Variants in KCNQ5 observed in about 807,000 individuals in gnomAD.
KCNQ5 encodes potassium voltage-gated channel subfamily KQT member 5.
KCNQ5 carries 30 observed loss-of-function variants against 98.2 expected under a neutral mutation model. The ratio of observed to expected loss-of-function variants is 0.31; its 90% confidence interval spans 0.23 to 0.41. KCNQ5 has a LOEUF of 0.41. Ranked by LOEUF, KCNQ5 falls within the 10% of genes least tolerant of loss-of-function variation. KCNQ5 has a pLI of 1.00. For synonymous variants in KCNQ5, 458 were observed against 449.4 expected (o/e 1.02, Z -0.24); for missense variants, 835 against 1,182.5 (o/e 0.71, Z 4.31).
chr6:72,963,023 C>A (rs921801376), intron 1 of KCNQ5, among the ~76,000 whole-genome samples: 2 of 152,170 alleles, frequency 1.3e-5, no homozygotes, highest in African/African-American at 4.8e-5. Context: ...TGTTTATAAG[C>A]TGAAAGAGCC....
At chr6:72,859,718 A>ACTAC (rs1777685048) in intron 1 of KCNQ5, among the ~76,000 whole-genome samples, 1 of 151,974 alleles carries the variant, frequency 6.6e-6, no homozygotes, top group African/African-American at 2.4e-5. Context: ...GATAGCTGGG[A>ACTAC]CTACAGGCAT....
chr6:72,741,035 G>C (rs567069944), intron 1 of KCNQ5, among the ~76,000 whole-genome samples: 1 of 152,260 alleles, frequency 6.6e-6, no homozygotes, highest in South Asian at 2.1e-4. Flanking sequence ...GGATGACATT[G>C]GTCACCTATA....
intron 1 of KCNQ5, among the ~76,000 whole-genome samples, chr6:72,812,609 C>A (rs557040697): frequency 6.6e-5 from 10 of 152,266 alleles, no homozygotes; most frequent in African/African-American, 2.4e-4. Context: ...CTAAGTGCCA[C>A]TTTTGTATGA....
chr6:73,141,473 A>G (rs1776707995), intron 10 of KCNQ5, among the ~76,000 whole-genome samples: 1 of 152,034 alleles, frequency 6.6e-6, no homozygotes, highest in African/African-American at 2.4e-5. Context: ...CTGGCTTTCT[A>G]CTCTAATCCA....
chr6:72,658,578 A>ATTTTTTTT (rs1219877866), intron 1 of KCNQ5, among the ~76,000 whole-genome samples: 1 of 76,380 alleles, frequency 1.3e-5, no homozygotes. Flanking sequence ...ATATATATAT[A>ATTTTTTTT]TTTTTTTTTT....
intron 1 of KCNQ5, among the ~76,000 whole-genome samples, chr6:72,732,314 G>C (rs1244233013): frequency 1.3e-5 from 2 of 152,070 alleles, no homozygotes; most frequent in Non-Finnish European, 2.9e-5. Flanking sequence ...AGTAGCATTA[G>C]GAAGGGGAGG....
intron 1 of KCNQ5, among the ~76,000 whole-genome samples, chr6:72,633,285 G>C (rs2098922097): frequency 6.6e-6 from 1 of 151,898 alleles, no homozygotes. Context: ...GTTGTTTTTT[G>C]CTTGTTGATT....
chr6:73,025,001 G>A (rs943865240), intron 2 of KCNQ5, among the ~76,000 whole-genome samples: 1 of 152,110 alleles, frequency 6.6e-6, no homozygotes, highest in Non-Finnish European at 1.5e-5. Flanking sequence ...TGAGAGGCAC[G>A]GGAAGATAGG....
intron 1 of KCNQ5, among the ~76,000 whole-genome samples, chr6:72,996,197 A>G (rs1048333847): frequency 6.6e-6 from 1 of 152,102 alleles, no homozygotes; most frequent in South Asian, 2.1e-4. Flanking sequence ...GAATGAAGTT[A>G]ATCCATAAAA....
intron 1 of KCNQ5, among the ~76,000 whole-genome samples, chr6:72,909,789 T>A (rs1213508996): frequency 7.5e-4 from 114 of 152,342 alleles, no homozygotes; most frequent in African/African-American, 2.7e-3. Flanking sequence ...TCTAAATTAA[T>A]AGACTGACTG....
chr6:72,663,338 T>G (rs527750614), intron 1 of KCNQ5, among the ~76,000 whole-genome samples: 1 of 152,326 alleles, frequency 6.6e-6, no homozygotes, highest in Admixed American at 6.5e-5. Flanking sequence ...CTGTCAAGGA[T>G]GTAAAGCATT....
chr6:72,823,050 A>T (rs1775826914), intron 1 of KCNQ5, among the ~76,000 whole-genome samples: 1 of 152,090 alleles, frequency 6.6e-6, no homozygotes, highest in Non-Finnish European at 1.5e-5. Context: ...CAAGGGTCTT[A>T]ATCACTTCTC....
At chr6:72,964,292 G>A (rs1767505575) in intron 1 of KCNQ5, among the ~76,000 whole-genome samples, 1 of 152,058 alleles carries the variant, frequency 6.6e-6, no homozygotes, top group Non-Finnish European at 1.5e-5. Context: ...GATGACCCTT[G>A]CAATTTCATG....
intron 1 of KCNQ5, among the ~76,000 whole-genome samples, chr6:72,651,084 G>T (rs1030899033): frequency 1.3e-5 from 2 of 152,020 alleles, no homozygotes; most frequent in African/African-American, 2.4e-5. Context: ...TATGAGGGGA[G>T]ATTTCTGCCT....
At chr6:73,041,209 C>A (rs577721918) in intron 2 of KCNQ5, among the ~76,000 whole-genome samples, 2 of 152,200 alleles carry the variant, frequency 1.3e-5, no homozygotes, top group South Asian at 2.1e-4. Context: ...TAATGAGCCA[C>A]TCTAGCTGGC....
At chr6:72,987,800 C>T (rs1322592068) in intron 1 of KCNQ5, 3 of 405,192 alleles carry the variant, frequency 7.4e-6, no homozygotes, top group African/African-American at 6.2e-5. Flanking sequence ...TTGATTATCC[C>T]ATTTATGCTG....
intron 1 of KCNQ5, among the ~76,000 whole-genome samples, chr6:72,757,779 A>G (rs1772045037): frequency 6.6e-6 from 1 of 152,152 alleles, no homozygotes; most frequent in South Asian, 2.1e-4. Context: ...TCTCGCTGTG[A>G]TGAAATTAAT....
Position 73,190,724 on chromosome 6 carries a change from T to C in KCNQ5, c.1709+20T>C, listed in dbSNP as rs1358199480. ...AACACGGTAAGCAATGGAAATGTCA[T>C]TCCTTGTAAAGGAATGGGCATAGAA... is the stretch of plus-strand genomic sequence containing the variant. On this transcript the variant is annotated intron_variant, in intron 12 of 13. Transcript: ENST00000370398. The C allele has an allele frequency of 6.6e-7, 1 of 1,504,960 alleles. No individual in the cohort carries two copies. Among genetic ancestry groups the C allele is most frequent in the Non-Finnish European group, 8.9e-7 (1 of 1,119,198 alleles). The allele number at this position is 1,504,960 out of a possible 1,614,324, so 93.2% of individuals were successfully genotyped here.
chr6:73,026,596 G>T (rs979139664), intron 2 of KCNQ5, among the ~76,000 whole-genome samples: 3 of 151,972 alleles, frequency 2.0e-5, no homozygotes, highest in African/African-American at 7.3e-5. Flanking sequence ...CAATGTACTT[G>T]TTCATTATAT....
Sources: allele counts gnomAD v4.1 joint callset (sites outside exome capture counted in the v4.1 genomes callset), GRCh38; gene constraint gnomAD v4.1.1; transcripts MANE v1.5; gene names NCBI Gene and HGNC (gene_info 2026-07-23, HGNC 2026-07-21).